The following NRXN1 variants were observed in gnomAD, a reference collection of about 807,000 sequenced individuals.
NRXN1 encodes neurexin 1.
In NRXN1, 39 loss-of-function variants were observed where a neutral mutation model predicts 150.9. The observed-to-expected ratio is 0.26, with a 90% CI of 0.20 to 0.34. The LOEUF (loss-of-function observed/expected upper bound fraction) is 0.34, where lower values mean the gene tolerates loss of function less well. Among genes scored for constraint, NRXN1 ranks in the 10% least tolerant of loss-of-function variants. The pLI is 1.00. For synonymous variants in NRXN1, 924 were observed against 757.0 expected (o/e 1.22, Z -3.62); for missense variants, 1,815 against 1,949.9 (o/e 0.93, Z 1.30).
intron 5 of NRXN1, among the ~76,000 whole-genome samples, chr2:50,673,224 C>G (rs1689100648): frequency 6.6e-6 from 1 of 152,028 alleles, no homozygotes; most frequent in Non-Finnish European, 1.5e-5. Context: ...AATTATCTAG[C>G]ACAATTTTAA....
At chr2:50,904,427 T>C (rs890040139) in intron 5 of NRXN1, among the ~76,000 whole-genome samples, 1 of 152,234 alleles carries the variant, frequency 6.6e-6, no homozygotes, top group Admixed American at 6.5e-5. Context: ...TCCAAGTTCA[T>C]ATTTGGGAAC....
chr2:50,653,016 T>C (rs929323812), intron 5 of NRXN1, among the ~76,000 whole-genome samples: 2 of 152,142 alleles, frequency 1.3e-5, no homozygotes, highest in South Asian at 4.1e-4. Flanking sequence ...TCCTTGACTT[T>C]TGTAATGTCC....
intron 2 of NRXN1, among the ~76,000 whole-genome samples, chr2:50,994,429 T>A (rs183221425): frequency 4.6e-5 from 7 of 152,148 alleles, no homozygotes; most frequent in Non-Finnish European, 7.4e-5. Flanking sequence ...GTCAAAAGCA[T>A]TCAGCTTTGC....
chr2:50,528,546 C>T, intron 12 of NRXN1, 79 bp downstream of exon 12: 1 of 677,376 alleles, frequency 1.5e-6, no homozygotes, highest in Non-Finnish European at 2.5e-6. Context: ...ATTTCTCTTG[C>T]TCTCTCTCTC....
chr2:50,965,898 T>C (rs1339896204), intron 2 of NRXN1, among the ~76,000 whole-genome samples: 1 of 151,636 alleles, frequency 6.6e-6, no homozygotes, highest in Non-Finnish European at 1.5e-5. Context: ...TTTAGTTTTA[T>C]GTATTTATAT....
rs115136813 is a variant in NRXN1, at chr2:50,542,491, T to C, written c.1760-3855A>G. 2.2e-3 allele frequency among the ~76,000 whole-genome samples: 336 copies of C among 152,268 alleles called. 1 individual carries two copies. The highest frequency in any genetic ancestry group is 7.7e-3 in the African/African-American group (321 of 41,556). ...TGGAATATTATGCAAACAGACATCATAGGATGAAGAAAATAGGGCTGAAAA... is the reference window on the plus strand; with the variant it reads ...TGGAATATTATGCAAACAGACATCACAGGATGAAGAAAATAGGGCTGAAAA... On this transcript the variant is annotated intron_variant, in intron 9 of 22. Coordinates refer to ENST00000401669, the MANE Select transcript of NRXN1 (RefSeq NM_001330078.2).
chr2:50,639,104 C>G (rs1683666912), intron 5 of NRXN1, among the ~76,000 whole-genome samples: 1 of 152,084 alleles, frequency 6.6e-6, no homozygotes, highest in South Asian at 2.1e-4. Flanking sequence ...ATAGACTTGG[C>G]AAAGACCACT....
chr2:50,499,923 G>C (rs1175624961), intron 13 of NRXN1, among the ~76,000 whole-genome samples: 2 of 148,986 alleles, frequency 1.3e-5, no homozygotes, highest in Non-Finnish European at 3.0e-5. Flanking sequence ...CCTCCAGCCT[G>C]GGCAACAGAG....
chr2:50,883,308 G>T (rs574223304), intron 5 of NRXN1, among the ~76,000 whole-genome samples: 1 of 151,666 alleles, frequency 6.6e-6, no homozygotes, highest in Non-Finnish European at 1.5e-5. Context: ...TAGTTTCTAG[G>T]TTTATCCAGA....
At chr2:50,746,924 A>G (rs894557892) in intron 5 of NRXN1, among the ~76,000 whole-genome samples, 1 of 151,990 alleles carries the variant, frequency 6.6e-6, no homozygotes, top group Non-Finnish European at 1.5e-5. Flanking sequence ...TTTAACACAT[A>G]CCTAGGGAAC....
chr2:50,977,373 AT>A (rs1696028628), intron 2 of NRXN1, among the ~76,000 whole-genome samples: 1 of 151,948 alleles, frequency 6.6e-6, no homozygotes, highest in Admixed American at 6.6e-5. Context: ...ACATAATATT[AT>A]ATACATAATT....
chr2:50,042,728 C>T (rs1426942844), intron 21 of NRXN1, among the ~76,000 whole-genome samples: 1 of 146,038 alleles, frequency 6.8e-6, no homozygotes, highest in Non-Finnish European at 1.5e-5. Context: ...AGATGCTTGT[C>T]AAAAAAAAAA....
intron 17 of NRXN1, among the ~76,000 whole-genome samples, chr2:50,243,946 A>T (rs2066270836): frequency 6.6e-6 from 1 of 151,894 alleles, no homozygotes; most frequent in Non-Finnish European, 1.5e-5. Flanking sequence ...CTGTGATTCC[A>T]ATGAGGTCAA....
At chr2:50,073,426 C>A (rs1696596831) in intron 19 of NRXN1, among the ~76,000 whole-genome samples, 1 of 152,142 alleles carries the variant, frequency 6.6e-6, no homozygotes, top group Non-Finnish European at 1.5e-5. Flanking sequence ...CTTCCACTAT[C>A]CTTTGTTCTA....
At chr2:50,131,511 A>T (rs534928050) in intron 18 of NRXN1, among the ~76,000 whole-genome samples, 1 of 152,236 alleles carries the variant, frequency 6.6e-6, no homozygotes, top group South Asian at 2.1e-4. Context: ...GAGGACATGG[A>T]CCTTGTCTTG....
At chr2:50,088,939 A>C (rs1364781916) in intron 19 of NRXN1, among the ~76,000 whole-genome samples, 1 of 152,174 alleles carries the variant, frequency 6.6e-6, no homozygotes, top group African/African-American at 2.4e-5. Flanking sequence ...ATTTTTGAAA[A>C]CATAAAATAT....
chr2:50,221,666 A>G (rs2063898708), intron 18 of NRXN1, among the ~76,000 whole-genome samples: 1 of 152,008 alleles, frequency 6.6e-6, no homozygotes, highest in Admixed American at 6.6e-5. Context: ...ATGCAATAGG[A>G]CTGAAGTAAT....
At chr2:50,760,663 C>T (rs1355916373) in intron 5 of NRXN1, among the ~76,000 whole-genome samples, 1 of 151,628 alleles carries the variant, frequency 6.6e-6, no homozygotes, top group African/African-American at 2.4e-5. Flanking sequence ...CTGATCCCAA[C>T]ACCTTCACAG....
At chr2:50,309,964 T>G (rs6717657) in intron 17 of NRXN1, among the ~76,000 whole-genome samples, 3,227 of 152,282 alleles carry the variant, frequency 0.021, 121 homozygotes, top group African/African-American at 0.074. Flanking sequence ...CTTCCAAGGC[T>G]AGAGGCCTGA....
Sources: allele counts gnomAD v4.1 joint callset (sites outside exome capture counted in the v4.1 genomes callset), GRCh38; gene constraint gnomAD v4.1.1; transcripts MANE v1.5; gene names NCBI Gene and HGNC (gene_info 2026-07-23, HGNC 2026-07-21).